The following CCNK variants were observed in gnomAD, a reference collection of about 807,000 sequenced individuals.
CCNK encodes cyclin K, also known as cyclin-K.
Under a neutral mutation model 65.0 loss-of-function variants are expected in CCNK, and 9 were observed. The observed-to-expected ratio is 0.14, with a 90% confidence interval of 0.08 to 0.24. The LOEUF is 0.24. Ranked by LOEUF, CCNK falls within the 10% of genes least tolerant of loss-of-function variation. The pLI, the probability that CCNK is intolerant of heterozygous loss-of-function variation, is 1.00. For synonymous variants in CCNK, 279 were observed against 270.8 expected, an observed-to-expected ratio of 1.03 and a Z score of -0.30; for missense variants, 474 against 720.0, an observed-to-expected ratio of 0.66 and a Z score of 3.91.
chr14:99,483,592 A>G (rs984287403), intron 1 of CCNK, among the ~76,000 whole-genome samples: 1 of 152,216 alleles, frequency 6.6e-6, no homozygotes, highest in Non-Finnish European at 1.5e-5. Flanking sequence ...CTTTTGTTAC[A>G]GTTTACTAGA....
chr14:99,503,029 T>G, intron 8 of CCNK, 45 bp downstream of exon 8: 1 of 1,602,118 alleles, frequency 6.2e-7, no homozygotes. Flanking sequence ...GCTTTCCAGG[T>G]GGCGGCAACA....
chr14:99,504,016 G>A (rs1318489158), intron 9 of CCNK: 3 of 362,556 alleles, frequency 8.3e-6, no homozygotes, highest in Non-Finnish European at 1.1e-5. Context: ...CGGGGGGGCA[G>A]TAGGGGGTGG....
intron 1 of CCNK, among the ~76,000 whole-genome samples, chr14:99,487,933 C>T (rs900475910): frequency 6.6e-6 from 1 of 152,196 alleles, no homozygotes; most frequent in Admixed American, 6.5e-5. Context: ...AGGAGTCCTC[C>T]TGGTCTCCTA....
chr14:99,482,075 T>G (rs567680852), intron 1 of CCNK, among the ~76,000 whole-genome samples: 6 of 152,348 alleles, frequency 3.9e-5, no homozygotes, highest in African/African-American at 1.4e-4. Flanking sequence ...TTTAGAAAAT[T>G]GGAGCGTAAG....
intron 1 of CCNK, among the ~76,000 whole-genome samples, chr14:99,483,064 A>G (rs1896394015): frequency 6.6e-6 from 1 of 152,362 alleles, no homozygotes; most frequent in Non-Finnish European, 1.5e-5. Flanking sequence ...GAAAAATCCT[A>G]AAAGTACAGT....
intron 1 of CCNK, chr14:99,492,326 A>T (rs1896613482): frequency 4.9e-6 from 1 of 203,184 alleles, no homozygotes; most frequent in Non-Finnish European, 9.8e-6. Context: ...AGAAAGTGAG[A>T]TATACTTCGT....
chr14:99,497,708 T>C (rs1405723641), intron 4 of CCNK, among the ~76,000 whole-genome samples: 2 of 152,232 alleles, frequency 1.3e-5, no homozygotes, highest in Non-Finnish European at 2.9e-5. Flanking sequence ...ATATACAAAA[T>C]GTATAGTCAT....
chr14:99,506,715 T>C (rs1428263758), intron 9 of CCNK: 4 of 259,968 alleles, frequency 1.5e-5, no homozygotes, highest in Non-Finnish European at 3.0e-5. Context: ...GACCCTTCTT[T>C]GTGTCCTCTG....
intron 1 of CCNK, among the ~76,000 whole-genome samples, chr14:99,489,419 A>G (rs956425528): frequency 2.0e-5 from 3 of 152,174 alleles, no homozygotes; most frequent in African/African-American, 7.2e-5. Context: ...TAATCCTAGC[A>G]CTTTGGGAGG....
rs1897143155 is a variant in CCNK at position 99,512,051 on chromosome 14, C to G, written c.*1269C>G. 1 of 152,230 alleles carries G rather than the reference C, an allele frequency of 6.6e-6. No homozygotes were observed. The highest frequency in any genetic ancestry group is 2.4e-5 in the African/African-American group (1 of 41,450). 9.4% of individuals were successfully genotyped at this position (152,230 alleles called of 1,614,324 possible). On this transcript the variant is annotated 3_prime_UTR_variant, in exon 11 of 11. Transcript: ENST00000389879. ...CCCAGCCAGGAGGCTCACAAAGAGG[C>G]CTTTATTTATCTAGCTCAAAGTAGA...
intron 1 of CCNK, among the ~76,000 whole-genome samples, chr14:99,483,286 C>A (rs971503384): frequency 4.6e-5 from 7 of 152,012 alleles, no homozygotes; most frequent in African/African-American, 1.7e-4. Flanking sequence ...TGGTGGCTCA[C>A]GCTTATAATA....
chr14:99,481,917 A>G (rs1186696258), intron 1 of CCNK, among the ~76,000 whole-genome samples: 2 of 152,126 alleles, frequency 1.3e-5, no homozygotes, highest in Non-Finnish European at 2.9e-5. Context: ...GGGTACTCCG[A>G]CTTTGGAGTT....
At chr14:99,481,577 C>G in intron 1 of CCNK, 98 bp downstream of exon 1, 1 of 397,708 alleles carries the variant, frequency 2.5e-6, no homozygotes, top group Non-Finnish European at 4.4e-6. Context: ...CTGGCGGAGT[C>G]TCTCTTTCCG....
chr14:99,507,059 C>G lies in CCNK; in HGVS notation c.1046-17C>G. The G allele has an allele frequency of 6.5e-7, 1 of 1,538,362 alleles. No homozygotes were observed. The highest frequency in any genetic ancestry group is 9.0e-7 in the Non-Finnish European group (1 of 1,110,992). On this transcript the variant is annotated splice_polypyrimidine_tract_variant and intron_variant, in intron 9 of 10. Coordinates refer to ENST00000389879, the MANE Select transcript of CCNK (RefSeq NM_001099402.2). Reference sequence around the variant, plus strand: ...GAAGAAGTATGAGTGGTTTTCTAATCTGCTTTTTCTTTGTAGAACCACCAC... The same window carrying G: ...GAAGAAGTATGAGTGGTTTTCTAATGTGCTTTTTCTTTGTAGAACCACCAC...
chr14:99,510,047 G>A lies in CCNK; in HGVS notation c.1118-110G>A, dbSNP rs570458815. 8.7e-5 allele frequency: 95 copies of A among 1,094,736 alleles called. No individual in the cohort carries two copies. The African/African-American group carries it at 1.3e-3, about 15-fold the overall frequency. 67.8% of individuals were successfully genotyped at this position (1,094,736 alleles called of 1,614,324 possible). A position where few individuals can be genotyped will look rare whatever the true frequency, so the allele number is the denominator to read the frequency against. ...CCATGCGTTGGGCCACAGAGGAGGC[G>A]GGCAGCTGCTCCCTGCTCCTCTGTA... is the stretch of plus-strand genomic sequence containing the variant. On this transcript the variant is annotated intron_variant, in intron 10 of 10. Transcript: ENST00000389879.
intron 5 of CCNK, 80 bp downstream of exon 5, chr14:99,500,951 TCAAAAGCG>T (rs1159572732): frequency 1.1e-6 from 1 of 901,884 alleles, no homozygotes; most frequent in Non-Finnish European, 1.7e-6. Context: ...ATTACGCTTC[TCAAAAGCG>T]GAAAACAAAG....
intron 9 of CCNK, chr14:99,504,381 C>T (rs1012027453): frequency 6.6e-6 from 1 of 151,210 alleles, no homozygotes; most frequent in African/African-American, 2.4e-5. Flanking sequence ...TGAAATCTTC[C>T]AGTTATGATA....
intron 10 of CCNK, 92 bp from the exon 11 acceptor site, chr14:99,510,065 C>G: frequency 2.3e-6 from 3 of 1,321,916 alleles, no homozygotes; most frequent in Non-Finnish European, 2.0e-6. Context: ...GCTCCCTGCT[C>G]CTCTGTAAAG....
chr14:99,482,240 T>A (rs1264746644), intron 1 of CCNK, among the ~76,000 whole-genome samples: 1 of 152,262 alleles, frequency 6.6e-6, no homozygotes, highest in African/African-American at 2.4e-5. Flanking sequence ...TGGTCTTCTG[T>A]GTTTTTAAGA....
Sources: allele counts gnomAD v4.1 joint callset (sites outside exome capture counted in the v4.1 genomes callset), GRCh38; gene constraint gnomAD v4.1.1; transcripts MANE v1.5; gene names NCBI Gene and HGNC (gene_info 2026-07-23, HGNC 2026-07-21).